The following TNPO2 variants were observed in gnomAD, a reference collection of about 807,000 sequenced individuals.
The protein encoded by TNPO2 is transportin-2.
In TNPO2, 16 loss-of-function variants were observed where a neutral mutation model predicts 111.1. The ratio of observed to expected loss-of-function variants is 0.14; its 90% confidence interval spans 0.10 to 0.22. TNPO2 has a LOEUF of 0.22. Among genes scored for constraint, TNPO2 ranks in the 10% least tolerant of loss-of-function variants. TNPO2 has a pLI of 1.00. For missense variants in TNPO2, 530 were observed against 1,173.7 expected (o/e 0.45, Z 8.01); for synonymous variants, 481 against 475.8 (o/e 1.01, Z -0.14).
intron 12 of TNPO2, 49 bp downstream of exon 12, chr19:12,711,247 G>C (rs934139735): frequency 1.2e-5 from 19 of 1,592,276 alleles, no homozygotes; most frequent in Non-Finnish European, 1.6e-5. Context: ...TCCCAAGAGG[G>C]AGTCCAGGGC....
rs755661140 is a variant in TNPO2, at chr19:12,707,037, C to T, written c.1271-242G>A. Among the ~76,000 whole-genome samples the T allele has an allele frequency of 1.1e-3, 168 of 152,224 alleles. 1 individual carries two copies. The highest frequency in any genetic ancestry group is 1.9e-3 in the Non-Finnish European group (126 of 68,004). On this transcript the variant is annotated intron_variant, in intron 13 of 25. Transcript: ENST00000425528. Reference sequence around the variant, plus strand: ...TTTTTGAGGCAGAGTCTCGCTCTGTCGCCCAGGCTGGGGCGCAGTGGTACG... The same window carrying T: ...TTTTTGAGGCAGAGTCTCGCTCTGTTGCCCAGGCTGGGGCGCAGTGGTACG...
chr19:12,713,764 G>C (rs8113648), intron 10 of TNPO2, among the ~76,000 whole-genome samples: 2 of 151,918 alleles, frequency 1.3e-5, no homozygotes, highest in South Asian at 4.2e-4. Context: ...ACAGTGGCTC[G>C]CACCTGTAAT....
At position 12,712,893 on chromosome 19, in the gene TNPO2, C is replaced by T. The variant is rs113946403; in HGVS notation, c.891-1280G>A. 3.0e-3 allele frequency among the ~76,000 whole-genome samples: 453 copies of T among 152,290 alleles called. 4 individuals are homozygous for T. The highest frequency in any genetic ancestry group is 5.1e-3 in the Non-Finnish European group (345 of 68,014). ...CCGCACACAGGAAGAGACCCACCGA[C>T]CCTGTGGGGCTGGTCCCTACGTAAC... On this transcript the variant is annotated intron_variant, in intron 10 of 25. Transcript: ENST00000425528.
chr19:12,703,371 C>T, intron 20 of TNPO2, 57 bp downstream of exon 20: 1 of 1,530,080 alleles, frequency 6.5e-7, no homozygotes, highest in Middle Eastern at 2.1e-4. Context: ...AGGCTCCCGC[C>T]CCCAGGTTGA....
intron 2 of TNPO2, chr19:12,722,696 C>G (rs942065108): frequency 6.6e-5 from 10 of 151,796 alleles, no homozygotes; most frequent in Non-Finnish European, 2.9e-5. Context: ...AACCTTCACA[C>G]GTGCCCTGGC....
chr19:12,719,966 T>C lies in TNPO2; in HGVS notation c.100-630A>G, dbSNP rs960009753. Among the ~76,000 whole-genome samples the C allele has an allele frequency of 4.6e-5, 7 of 151,952 alleles. No individual in the cohort carries two copies. The highest frequency in any genetic ancestry group is 1.7e-4 in the African/African-American group (7 of 41,344). On this transcript the variant is annotated intron_variant, in intron 3 of 25. Transcript: ENST00000425528. This position sits in a 1 kb window ranked among gnomAD's most constrained non-coding sequence, Gnocchi z 5.0. ...CAGGCCATGAAGACTTTTTTTTTTTTTTTAAAAGAGGGAATCCAAATTTTG... is the reference window on the plus strand; with the variant it reads ...CAGGCCATGAAGACTTTTTTTTTTTCTTTAAAAGAGGGAATCCAAATTTTG...
Position 12,705,192 on chromosome 19 carries a change from G to GC in TNPO2, c.2022+47dup, listed in dbSNP as rs1164343428. ...AGGCCCTGACTCCCCACCAGGGGCA[G>GC]CCCACGCAGGCTGCTGGGTGTCATC... On this transcript the variant is annotated intron_variant, in intron 18 of 25. Transcript: ENST00000425528. This position sits in a 1 kb window ranked among gnomAD's most constrained non-coding sequence, Gnocchi z 7.2. The GC allele has an allele frequency of 6.4e-7, 1 of 1,558,754 alleles. No individual in the cohort carries two copies. Among genetic ancestry groups the GC allele is most frequent in the Admixed American group, 1.9e-5 (1 of 53,880 alleles).
rs762695234 is a variant in TNPO2 at position 12,719,252 on chromosome 19, A to G, written c.175+9T>C. 1.2e-6 allele frequency: 2 copies of G among 1,613,838 alleles called. No homozygotes were observed. Among genetic ancestry groups the G allele is most frequent in the African/African-American group, 2.7e-5 (2 of 74,916 alleles). On this transcript the variant is annotated intron_variant, in intron 4 of 25. Transcript: ENST00000425528. This position sits in a 1 kb window ranked among gnomAD's most constrained non-coding sequence, Gnocchi z 5.0. ...GTCCCGATCGCATGGAAGGGAGCAGAGGGCGTACCTTCTGACTTGAGTCTG... is the reference window on the plus strand; with the variant it reads ...GTCCCGATCGCATGGAAGGGAGCAGGGGGCGTACCTTCTGACTTGAGTCTG...
At chr19:12,704,004 T>TG (rs2025482067) in intron 18 of TNPO2, among the ~76,000 whole-genome samples, 1 of 152,136 alleles carries the variant, frequency 6.6e-6, no homozygotes, top group Non-Finnish European at 1.5e-5. Flanking sequence ...TCAGTGTCCG[T>TG]GGGGGATTCT....
Position 12,711,578 on chromosome 19 carries a change from G to A in TNPO2, c.926C>T (p.Ser309Leu), listed in dbSNP as rs1215459207. The change falls in exon 11 of 26, where the codon TCG becomes TTG. Residue 309 changes from serine to leucine, a missense_variant. By Grantham distance (145) the Ser-to-Leu change is moderately radical (BLOSUM62 -2). Coordinates refer to ENST00000425528, the MANE Select transcript of TNPO2 (RefSeq NM_001382241.1). ...CTTGAGCAGGATGATGTCAATTTCC[G>A]AGTACTTCATCCCATTCACCAAGAT... is the stretch of plus-strand genomic sequence containing the variant. ...IPILVNGMKY[S>L]EIDIILLKGD... The A allele has an allele frequency of 2.5e-6, 4 of 1,613,842 alleles. No homozygotes were observed. The highest frequency in any genetic ancestry group is 1.1e-5 in the South Asian group (1 of 91,074).
intron 10 of TNPO2, among the ~76,000 whole-genome samples, chr19:12,713,512 T>TAAAC (rs2026184754): frequency 6.9e-6 from 1 of 145,722 alleles, no homozygotes; most frequent in African/African-American, 2.8e-5. Flanking sequence ...AATAAATAAA[T>TAAAC]AAATAAACAT....
In TNPO2 at chr19:12,719,792, C is replaced by T. The variant is rs1333952684; in HGVS notation, c.100-456G>A. Among the ~76,000 whole-genome samples, 1 of 142,578 alleles carries T rather than the reference C, an allele frequency of 7.0e-6. No homozygotes were observed. The highest frequency in any genetic ancestry group is 1.5e-5 in the Non-Finnish European group (1 of 67,784). The allele number at this position is 142,578 out of a possible 152,430, so 93.5% of individuals were successfully genotyped here. On this transcript the variant is annotated intron_variant, in intron 3 of 25. Coordinates refer to ENST00000425528, the MANE Select transcript of TNPO2 (RefSeq NM_001382241.1). The surrounding 1 kb of genome is among the most constrained non-coding windows in gnomAD (Gnocchi z 5.0). ...CCAGTCTGGGCGACAGAGCAAGACTCCATCTTGAAAAAAAAAAAAATCATA... is the reference window on the plus strand; with the variant it reads ...CCAGTCTGGGCGACAGAGCAAGACTTCATCTTGAAAAAAAAAAAAATCATA...
rs1402171088 is a variant in TNPO2 at position 12,715,224 on chromosome 19, C to T, written c.648+19G>A. On this transcript the variant is annotated intron_variant, in intron 8 of 25. Transcript: ENST00000425528. This position sits in a 1 kb window ranked among gnomAD's most constrained non-coding sequence, Gnocchi z 7.1. ...GGCCCTCAGTCCTCGCCCTGCCCAC[C>T]CCCAGCCCAGCGGCCCACCTCGATG... 4 of 1,613,724 alleles carry T rather than the reference C, an allele frequency of 2.5e-6. No homozygotes were observed. The highest frequency in any genetic ancestry group is 1.7e-5 in the Admixed American group (1 of 59,966).
chr19:12,701,278 CT>C lies in TNPO2; in HGVS notation c.*21-36del. On this transcript the variant is annotated intron_variant, in intron 25 of 25. Coordinates refer to ENST00000425528, the MANE Select transcript of TNPO2 (RefSeq NM_001382241.1). The surrounding 1 kb of genome is among the most constrained non-coding windows in gnomAD (Gnocchi z 5.0). The stretch of plus-strand genomic sequence containing the variant: ...GAGGAGGAAGGTCATGGCCTGGGAC[CT>C]TTCGGCCCCCAAGACAGTGCTGACT... 3.0e-6 allele frequency: 4 copies of C among 1,347,182 alleles called. No individual in the cohort carries two copies. The highest frequency in any genetic ancestry group is 4.2e-6 in the Non-Finnish European group (4 of 953,068). The allele number at this position is 1,347,182 out of a possible 1,614,324, so 83.5% of individuals were successfully genotyped here. A position where few individuals can be genotyped will look rare whatever the true frequency, so the allele number is the denominator to read the frequency against.
At chr19:12,716,032 A>G (rs909212855) in intron 5 of TNPO2, among the ~76,000 whole-genome samples, 4 of 151,878 alleles carry the variant, frequency 2.6e-5, no homozygotes, top group African/African-American at 9.7e-5. Flanking sequence ...ACCACGCCCA[A>G]CTAATTTTTA....
In TNPO2 at chr19:12,703,735, T is replaced by C. The variant is rs2025465149; in HGVS notation, c.2089A>G (p.Ile697Val). 5 of 1,608,554 alleles carry C rather than the reference T, an allele frequency of 3.1e-6. No individual in the cohort carries two copies. The highest frequency in any genetic ancestry group is 4.2e-6 in the Non-Finnish European group (5 of 1,177,506). Residue 697 changes from isoleucine (I) to valine (V), a missense_variant, in exon 19 of 26, where the codon ATC (isoleucine) becomes GTC (valine). By Grantham distance (29) the Ile-to-Val change is conservative (BLOSUM62 3). Coordinates refer to ENST00000425528, the MANE Select transcript of TNPO2 (RefSeq NM_001382241.1). Reference sequence around the variant, plus strand: ...GTACCGATACAGGGCTTGACATGGATGAAGCAGGCTTTGGTGAGGTCTCCC... The same window carrying C: ...GTACCGATACAGGGCTTGACATGGACGAAGCAGGCTTTGGTGAGGTCTCCC... The part of the protein sequence containing the change: ...LLGDLTKACF[I>V]HVKPCIAEFM...
intron 2 of TNPO2, chr19:12,722,561 T>TAAAAAAAAAAAAAAAAAAAAAAAAGAAAA (rs1967059091): frequency 4.9e-5 from 2 of 40,902 alleles, no homozygotes; most frequent in Non-Finnish European, 9.9e-5. Flanking sequence ...GAGAGAGAAT[T>TAAAAAAAAAAAAAAAAAAAAAAAAGAAAA]AAAAAAAAAA....
In TNPO2 at chr19:12,710,789, C is replaced by CA; in HGVS notation, c.1118-17dup. 6.2e-7 allele frequency: 1 copy of CA among 1,600,620 alleles called. No homozygotes were observed. Among genetic ancestry groups the CA allele is most frequent in the Non-Finnish European group, 8.5e-7 (1 of 1,173,258 alleles). ...GAGCACTTCCCTGGGGAAGGGGGAA[C>CA]AATGGGGAGGCTCAGGGCGGCCCCT... is the stretch of plus-strand genomic sequence containing the variant. On this transcript the variant is annotated splice_polypyrimidine_tract_variant and intron_variant, in intron 12 of 25. Transcript: ENST00000425528.
intron 20 of TNPO2, chr19:12,703,134 G>A: frequency 5.1e-6 from 3 of 589,520 alleles, no homozygotes; most frequent in Non-Finnish European, 9.0e-6. Context: ...AGGCTTCTCT[G>A]GAGTCGCTAA....
Sources: gnomAD v4.1 joint callset for allele counts (sites outside exome capture counted in the v4.1 genomes callset) on GRCh38, gnomAD v4.1.1 for gene constraint, Gnocchi (gnomAD v3.1) non-coding constraint, MANE v1.5 for transcripts, NCBI Gene and HGNC (gene_info 2026-07-23, HGNC 2026-07-21) for gene names.